The following BMPR1B variants were observed in gnomAD, a reference collection of about 807,000 sequenced individuals.
BMPR1B encodes bone morphogenetic protein receptor type 1B, also known as bone morphogenetic protein receptor type-1B.
Under a neutral mutation model 59.1 loss-of-function variants are expected in BMPR1B, and 12 were observed. That is an observed-to-expected ratio of 0.20 (90% CI 0.13 to 0.33). The LOEUF (loss-of-function observed/expected upper bound fraction) is 0.33, where lower values mean the gene tolerates loss of function less well. Ranked by LOEUF, BMPR1B falls within the 10% of genes least tolerant of loss-of-function variation. BMPR1B has a pLI of 1.00. For missense variants in BMPR1B, 550 were observed against 610.9 expected (o/e 0.90, Z 1.05); for synonymous variants, 237 against 207.3 (o/e 1.14, Z -1.23).
At chr4:94,928,137 TTTTTA>T (rs1297615517) in intron 2 of BMPR1B, among the ~76,000 whole-genome samples, 3 of 151,864 alleles carry the variant, frequency 2.0e-5, no homozygotes, top group Non-Finnish European at 4.4e-5. Flanking sequence ...ATGTGGTTAT[TTTTTA>T]TTTTATTTTC....
At chr4:94,874,306 G>A (rs1726627832) in intron 1 of BMPR1B, among the ~76,000 whole-genome samples, 1 of 151,798 alleles carries the variant, frequency 6.6e-6, no homozygotes, top group African/African-American at 2.4e-5. Context: ...TCAATTCTTT[G>A]GATTATATAT....
At chr4:95,141,695 A>G (rs1734241534) in intron 10 of BMPR1B, among the ~76,000 whole-genome samples, 1 of 152,138 alleles carries the variant, frequency 6.6e-6, no homozygotes, top group South Asian at 2.1e-4. Context: ...AAAGCTTTTC[A>G]CTCTTCACTC....
intron 1 of BMPR1B, among the ~76,000 whole-genome samples, chr4:94,856,109 GA>G (rs200804786): frequency 2.2e-3 from 329 of 152,144 alleles, no homozygotes; most frequent in African/African-American, 7.6e-3. Flanking sequence ...CTGGCCTGGG[GA>G]AAAAAACAGA....
At chr4:94,917,114 A>AAG (rs1728514692) in intron 2 of BMPR1B, among the ~76,000 whole-genome samples, 3 of 152,236 alleles carry the variant, frequency 2.0e-5, no homozygotes, top group African/African-American at 7.2e-5. Context: ...CCTATATTTC[A>AAG]GAGGATATAT....
At position 95,114,682 on chromosome 4, in the gene BMPR1B, A is replaced by T. The variant is rs202045659; in HGVS notation, c.144-38A>T. ...CACACACACACACTGACTCACACAC[A>T]CACATTCTGTTTCTCACTTTGCTTG... On this transcript the variant is annotated intron_variant, in intron 4 of 12. Coordinates refer to ENST00000515059, the MANE Select transcript of BMPR1B (RefSeq NM_001203.3). 2.0e-6 allele frequency: 3 copies of T among 1,533,108 alleles called. No individual in the cohort carries two copies. In the South Asian group the frequency reaches 3.4e-5, roughly 17 times the overall value. The allele number at this position is 1,533,108 out of a possible 1,614,324, so 95.0% of individuals were successfully genotyped here.
At chr4:95,037,589 T>C (rs1725352538) in intron 3 of BMPR1B, among the ~76,000 whole-genome samples, 1 of 152,130 alleles carries the variant, frequency 6.6e-6, no homozygotes, top group Admixed American at 6.6e-5. Flanking sequence ...AGAAGGGAAG[T>C]ACTCTTAAGA....
At chr4:95,121,663 A>C (rs1037556041) in intron 6 of BMPR1B, among the ~76,000 whole-genome samples, 2 of 152,208 alleles carry the variant, frequency 1.3e-5, no homozygotes, top group African/African-American at 2.4e-5. Flanking sequence ...TGAAATGTTA[A>C]CAATGAGAAA....
At chr4:94,762,858 GTTT>G (rs372347404) in intron 1 of BMPR1B, among the ~76,000 whole-genome samples, 1 of 141,412 alleles carries the variant, frequency 7.1e-6, no homozygotes, top group Admixed American at 7.0e-5. Context: ...ATCAGTTTTT[GTTT>G]TTTTTTTTTT....
At chr4:95,131,821 A>C (rs1462861278) in intron 10 of BMPR1B, among the ~76,000 whole-genome samples, 1 of 152,230 alleles carries the variant, frequency 6.6e-6, no homozygotes, top group Non-Finnish European at 1.5e-5. Flanking sequence ...ATTTGCAAGT[A>C]GGAAAAAGTT....
chr4:95,152,593 C>T, intron 11 of BMPR1B, 50 bp from the exon 12 acceptor site: 1 of 1,448,740 alleles, frequency 6.9e-7, no homozygotes, highest in Non-Finnish European at 9.3e-7. Context: ...TTTATTTCTA[C>T]TTCACAGAAA....
At chr4:94,876,759 G>C (rs1463742896) in intron 2 of BMPR1B, among the ~76,000 whole-genome samples, 2 of 152,110 alleles carry the variant, frequency 1.3e-5, no homozygotes, top group African/African-American at 4.8e-5. Context: ...GCTTACTTTT[G>C]ATATATCTTT....
At chr4:94,924,788 G>A (rs1031422673) in intron 2 of BMPR1B, among the ~76,000 whole-genome samples, 1 of 152,126 alleles carries the variant, frequency 6.6e-6, no homozygotes, top group Non-Finnish European at 1.5e-5. Flanking sequence ...GAGGATGTGA[G>A]TCTTTGGTTA....
At chr4:95,063,173 C>G (rs1283010188) in intron 3 of BMPR1B, among the ~76,000 whole-genome samples, 1 of 152,084 alleles carries the variant, frequency 6.6e-6, no homozygotes, top group African/African-American at 2.4e-5. Context: ...AAGTGGCATT[C>G]TTATAGTTAC....
At chr4:95,130,163 G>T (rs1412909676) in intron 9 of BMPR1B, 109 bp downstream of exon 9, 1 of 1,342,658 alleles carries the variant, frequency 7.4e-7, no homozygotes, top group African/African-American at 1.5e-5. Flanking sequence ...GAAATGTATT[G>T]AAGTTTTCTT....
chr4:95,107,902 G>T (rs1373141819), intron 4 of BMPR1B, among the ~76,000 whole-genome samples: 7 of 151,954 alleles, frequency 4.6e-5, no homozygotes, highest in Non-Finnish European at 8.8e-5. Flanking sequence ...ACTCACAGGG[G>T]CCACATTTGT....
At chr4:95,146,622 G>T (rs569467149) in intron 10 of BMPR1B, among the ~76,000 whole-genome samples, 2 of 152,250 alleles carry the variant, frequency 1.3e-5, no homozygotes, top group African/African-American at 2.4e-5. Context: ...TACAGTGGAG[G>T]TCTTTAACCA....
intron 1 of BMPR1B, among the ~76,000 whole-genome samples, chr4:94,835,236 A>G (rs550912884): frequency 3.9e-5 from 6 of 152,226 alleles, no homozygotes; most frequent in African/African-American, 1.4e-4. Flanking sequence ...AGGTGGGGTT[A>G]AGTAGCCCAG....
intron 3 of BMPR1B, among the ~76,000 whole-genome samples, chr4:95,026,726 C>T (rs1327876753): frequency 7.4e-6 from 1 of 135,870 alleles, no homozygotes; most frequent in African/African-American, 2.7e-5. Flanking sequence ...CCTGCCCTAC[C>T]CTCCCCTCCC....
At chr4:94,955,087 A>G (rs989013689) in intron 2 of BMPR1B, among the ~76,000 whole-genome samples, 1 of 152,156 alleles carries the variant, frequency 6.6e-6, no homozygotes, top group Non-Finnish European at 1.5e-5. Context: ...GCATATTTCT[A>G]TCTCTGTAGT....
Sources: allele counts gnomAD v4.1 joint callset (sites outside exome capture counted in the v4.1 genomes callset), GRCh38; gene constraint gnomAD v4.1.1; transcripts MANE v1.5; gene names NCBI Gene and HGNC (gene_info 2026-07-23, HGNC 2026-07-21).